FAM81B: variants seen among roughly 807,000 people sequenced by gnomAD.
FAM81B encodes the protein protein FAM81B.
In FAM81B, 60 loss-of-function variants were observed where a neutral mutation model predicts 58.7. The ratio of observed to expected loss-of-function variants is 1.02; its 90% CI spans 0.83 to 1.27. The LOEUF (loss-of-function observed/expected upper bound fraction) is 1.27, where lower values mean the gene tolerates loss of function less well. Among genes scored for constraint, FAM81B ranks in the 50% most tolerant of loss-of-function variants. FAM81B has a pLI of 0.00. For synonymous variants in FAM81B, 189 were observed against 179.6 expected, an observed-to-expected ratio of 1.05 and a Z score of -0.42; for missense variants, 491 against 522.0, an observed-to-expected ratio of 0.94 and a Z score of 0.58.
intron 4 of FAM81B, among the ~76,000 whole-genome samples, chr5:95,418,685 G>C (rs1286897577): frequency 6.6e-6 from 1 of 152,046 alleles, no homozygotes; most frequent in African/African-American, 2.4e-5. Flanking sequence ...GCATCCACTG[G>C]GGGTCTTAGA....
intron 5 of FAM81B, among the ~76,000 whole-genome samples, chr5:95,427,666 T>C (rs1358545691): frequency 1.3e-5 from 2 of 152,228 alleles, no homozygotes; most frequent in Non-Finnish European, 2.9e-5. Context: ...TCCTAATTAA[T>C]ATTATTTGAT....
chr5:95,448,743 A>C lies in FAM81B; in HGVS notation c.1225+279A>C, dbSNP rs187637586. The C allele has an allele frequency of 2.7e-3, 1,255 of 461,340 alleles. 24 individuals carry two copies. Among genetic ancestry groups the C allele is most frequent in the Non-Finnish European group, 8.9e-4 (217 of 243,000 alleles). 28.6% of individuals were successfully genotyped at this position (461,340 alleles called of 1,614,324 possible). A position where few individuals can be genotyped will look rare whatever the true frequency, so the allele number is the denominator to read the frequency against. ...AAGATCATGGAATTTTTACTAATTC[A>C]TGGAATTGTCAGACTTGGAAAATCC... On this transcript the variant is annotated intron_variant, in intron 9 of 9. Coordinates refer to ENST00000283357, the MANE Select transcript of FAM81B (RefSeq NM_152548.3).
chr5:95,426,556 A>G (rs1443608015), intron 5 of FAM81B, among the ~76,000 whole-genome samples: 2 of 152,200 alleles, frequency 1.3e-5, no homozygotes, highest in African/African-American at 2.4e-5. Flanking sequence ...TAAATAACCT[A>G]CAAAGTAACA....
At chr5:95,396,064 T>C (rs1352008465) in intron 2 of FAM81B, 47 bp from the exon 3 acceptor site, 2 of 1,424,096 alleles carry the variant, frequency 1.4e-6, no homozygotes, top group African/African-American at 2.9e-5. Flanking sequence ...AGAAGTAATC[T>C]GTAAAGAAGC....
At chr5:95,444,146 G>T (rs1745465555) in intron 7 of FAM81B, among the ~76,000 whole-genome samples, 1 of 152,120 alleles carries the variant, frequency 6.6e-6, no homozygotes, top group East Asian at 1.9e-4. Context: ...TCTATGATTT[G>T]TTATTTGTCA....
chr5:95,414,066 A>G lies in FAM81B; in HGVS notation c.413A>G (p.Asp138Gly), dbSNP rs778701225. 9.9e-6 allele frequency: 16 copies of G among 1,613,964 alleles called. No homozygotes were observed. In the South Asian group the frequency reaches 1.8e-4, roughly 18 times the overall value. The change falls in exon 4 of 10, where the codon GAC becomes GGC. Residue 138 changes from aspartate (D) to glycine (G), a missense_variant. By Grantham distance (94) the Asp-to-Gly change is moderately conservative. Coordinates refer to ENST00000283357, the MANE Select transcript of FAM81B (RefSeq NM_152548.3). Reference protein sequence around the residue: ...LLEQAFRIKEDISACLQGTHG... With the variant: ...LLEQAFRIKEGISACLQGTHG... Reference sequence around the variant, plus strand: ...GAACAAGCCTTCCGCATCAAGGAGGACATCTCTGCTTGCCTGCAGGGGACC... The same window carrying G: ...GAACAAGCCTTCCGCATCAAGGAGGGCATCTCTGCTTGCCTGCAGGGGACC...
intron 7 of FAM81B, among the ~76,000 whole-genome samples, chr5:95,442,344 T>C (rs767833428): frequency 3.2e-4 from 49 of 151,702 alleles, no homozygotes; most frequent in Non-Finnish European, 1.8e-4. Context: ...AAATAATAAA[T>C]ACAGTAATCG....
intron 1 of FAM81B, 80 bp downstream of exon 1, chr5:95,391,593 A>G: frequency 2.7e-6 from 4 of 1,456,102 alleles, no homozygotes; most frequent in Non-Finnish European, 3.7e-6. Flanking sequence ...TATAAACAAA[A>G]TAATGAATCC....
intron 3 of FAM81B, among the ~76,000 whole-genome samples, chr5:95,405,053 A>G (rs1762209602): frequency 6.6e-6 from 1 of 152,190 alleles, no homozygotes; most frequent in Admixed American, 6.5e-5. Flanking sequence ...TAGCTGCTGT[A>G]TGGAGGATGT....
At chr5:95,394,430 T>TC (rs1318652982) in intron 2 of FAM81B, among the ~76,000 whole-genome samples, 1 of 151,602 alleles carries the variant, frequency 6.6e-6, no homozygotes, top group Non-Finnish European at 1.5e-5. Flanking sequence ...CAAAAATAGA[T>TC]CCCCACACAG....
chr5:95,398,948 G>A (rs1465259428), intron 3 of FAM81B, among the ~76,000 whole-genome samples: 1 of 152,234 alleles, frequency 6.6e-6, no homozygotes, highest in Admixed American at 6.5e-5. Context: ...GATTCTATTT[G>A]AAAGTCTCTG....
chr5:95,413,097 G>A (rs1762446060), intron 3 of FAM81B, among the ~76,000 whole-genome samples: 1 of 152,178 alleles, frequency 6.6e-6, no homozygotes, highest in South Asian at 2.1e-4. Flanking sequence ...TTGAAGGCAA[G>A]CATGGCACTA....
rs553196434 is a variant in FAM81B, at chr5:95,419,629, C to A, written c.538-655C>A. On this transcript the variant is annotated intron_variant, in intron 4 of 9. Coordinates refer to ENST00000283357, the MANE Select transcript of FAM81B (RefSeq NM_152548.3). ...AAGAAAGTCAGTTCTATTTCCAGAA[C>A]ACCAAAACACAATAAAGATGTGACT... Among the ~76,000 whole-genome samples, 3 of 152,232 alleles carry A rather than the reference C, an allele frequency of 2.0e-5. No individual in the cohort carries two copies. In the South Asian group the frequency reaches 6.2e-4, roughly 32 times the overall value.
At chr5:95,417,807 T>A (rs576881175) in intron 4 of FAM81B, among the ~76,000 whole-genome samples, 15 of 152,314 alleles carry the variant, frequency 9.8e-5, no homozygotes, top group Middle Eastern at 3.4e-3. Flanking sequence ...CAATCCACTT[T>A]CACATACGGC....
intron 7 of FAM81B, among the ~76,000 whole-genome samples, chr5:95,446,175 G>T (rs1745549180): frequency 6.6e-6 from 1 of 152,134 alleles, no homozygotes; most frequent in African/African-American, 2.4e-5. Context: ...CGCCTAGCAT[G>T]AGTAATAATC....
chr5:95,437,550 T>C (rs1393251787), intron 7 of FAM81B, among the ~76,000 whole-genome samples: 1 of 152,136 alleles, frequency 6.6e-6, no homozygotes, highest in African/African-American at 2.4e-5. Flanking sequence ...ATGTTGAGGC[T>C]GGTCTCGAAC....
At chr5:95,423,387 G>A (rs187698147) in intron 5 of FAM81B, among the ~76,000 whole-genome samples, 9 of 151,986 alleles carry the variant, frequency 5.9e-5, no homozygotes, top group Admixed American at 2.6e-4. Flanking sequence ...GAGAGGTCAC[G>A]TCCCCTTAGA....
chr5:95,396,080 A>G, intron 2 of FAM81B, 31 bp from the exon 3 acceptor site: 3 of 1,534,696 alleles, frequency 2.0e-6, no homozygotes, highest in Non-Finnish European at 2.7e-6. Flanking sequence ...GAAGCAGATG[A>G]TATATTCTGA....
At chr5:95,426,125 T>TATATATATAG (rs781083080) in intron 5 of FAM81B, among the ~76,000 whole-genome samples, 1 of 94,306 alleles carries the variant, frequency 1.1e-5, no homozygotes, top group African/African-American at 4.3e-5. Context: ...TATATATATG[T>TATATATATAG]ACACATATAT....
Sources: gnomAD v4.1 joint callset for allele counts (sites outside exome capture counted in the v4.1 genomes callset) on GRCh38, gnomAD v4.1.1 for gene constraint, MANE v1.5 for transcripts, NCBI Gene and HGNC (gene_info 2026-07-23, HGNC 2026-07-21) for gene names.